FBXO34: variants seen among roughly 807,000 people sequenced by gnomAD.
FBXO34 encodes F-box protein 34, also known as F-box only protein 34.
In FBXO34, 12 loss-of-function variants were observed where a neutral mutation model predicts 24.5. The ratio of observed to expected loss-of-function variants is 0.49; its 90% CI spans 0.31 to 0.79. FBXO34 has a LOEUF of 0.79. Among genes scored for constraint, FBXO34 ranks in the 30% least tolerant of loss-of-function variants. FBXO34 has a pLI of 0.04. For missense variants in FBXO34, 823 were observed against 857.7 expected (o/e 0.96, Z 0.51); for synonymous variants, 320 against 311.9 (o/e 1.03, Z -0.27).
intron 1 of FBXO34, among the ~76,000 whole-genome samples, chr14:55,277,674 G>A (rs1342002770): frequency 6.6e-6 from 1 of 152,122 alleles, no homozygotes; most frequent in Non-Finnish European, 1.5e-5. Context: ...TCTGAAGAGA[G>A]ATAAGTAAAT....
intron 1 of FBXO34, among the ~76,000 whole-genome samples, chr14:55,343,588 G>T (rs1884061484): frequency 6.6e-6 from 1 of 152,070 alleles, no homozygotes; most frequent in South Asian, 2.1e-4. Flanking sequence ...TGGCTCTTAT[G>T]CTAATAAGTG....
At chr14:55,294,930 A>T (rs1264042858) in intron 1 of FBXO34, among the ~76,000 whole-genome samples, 2 of 152,264 alleles carry the variant, frequency 1.3e-5, no homozygotes, top group Admixed American at 6.5e-5. Context: ...ACCAAATATC[A>T]TAGCTTAGCC....
At chr14:55,364,986 C>T (rs996710442), downstream of FBXO34, among the ~76,000 whole-genome samples, 1 of 148,468 alleles carries the variant, frequency 6.7e-6, no homozygotes, top group Admixed American at 6.8e-5. Flanking sequence ...TTTGGGAGGC[C>T]GAGGCGAGCA....
the FBXO34 span, chr14:55,413,685 T>G: frequency 6.0e-6 from 2 of 335,970 alleles, no homozygotes; most frequent in African/African-American, 4.4e-5. Flanking sequence ...GACGTCTTTT[T>G]CTGATTATTT....
chr14:55,342,662 G>A (rs1884030043), intron 1 of FBXO34, among the ~76,000 whole-genome samples: 1 of 152,024 alleles, frequency 6.6e-6, no homozygotes, highest in Non-Finnish European at 1.5e-5. Flanking sequence ...CACCCTCCTG[G>A]TCTTGGCATT....
intron 1 of FBXO34, among the ~76,000 whole-genome samples, chr14:55,348,323 G>C (rs543235080): frequency 6.6e-6 from 1 of 151,862 alleles, no homozygotes; most frequent in Non-Finnish European, 1.5e-5. Context: ...TAAACTCTTG[G>C]GCTCAATAGA....
intron 1 of FBXO34, among the ~76,000 whole-genome samples, chr14:55,332,780 A>G (rs1883642990): frequency 6.6e-6 from 1 of 152,190 alleles, no homozygotes; most frequent in Non-Finnish European, 1.5e-5. Context: ...GATCTTCAGC[A>G]AGTTTCACTT....
the FBXO34 span, chr14:55,428,954 G>C: frequency 6.2e-7 from 1 of 1,614,126 alleles, no homozygotes; most frequent in Non-Finnish European, 8.5e-7. Flanking sequence ...TTTTCTTGCT[G>C]CAAGTCGAGA....
chr14:55,380,766 TTATGA>T, the FBXO34 span: 5 of 974,676 alleles, frequency 5.1e-6, no homozygotes, highest in East Asian at 1.3e-4. Flanking sequence ...AGTTTATCAT[TTATGA>T]TTTTATCATG....
chr14:55,383,267 A>C, the FBXO34 span, among the ~76,000 whole-genome samples: 18 of 152,168 alleles, frequency 1.2e-4, no homozygotes, highest in Admixed American at 1.2e-3. Context: ...AATAAACAAC[A>C]GGGCTAGGTG....
chr14:55,378,422 A>G, the FBXO34 span, among the ~76,000 whole-genome samples: 1 of 152,342 alleles, frequency 6.6e-6, no homozygotes. Flanking sequence ...AAGGCAAACT[A>G]TACAACTGTC....
At chr14:55,278,974 A>G (rs1181870858) in intron 1 of FBXO34, among the ~76,000 whole-genome samples, 2 of 151,902 alleles carry the variant, frequency 1.3e-5, no homozygotes, top group African/African-American at 4.8e-5. Context: ...GGCGTGAGCC[A>G]CCATGCCCAC....
chr14:55,365,225 CAAA>C (rs1175120629), downstream of FBXO34, among the ~76,000 whole-genome samples: 2 of 88,680 alleles, frequency 2.3e-5, no homozygotes, highest in Admixed American at 1.4e-4. Flanking sequence ...TCTATCATCT[CAAA>C]AAAAAAAAAA....
At chr14:55,331,128 C>T (rs1330192970) in intron 1 of FBXO34, among the ~76,000 whole-genome samples, 1 of 152,080 alleles carries the variant, frequency 6.6e-6, no homozygotes, top group Admixed American at 6.5e-5. Context: ...GAAAATTCAC[C>T]AAGGTTACAG....
At chr14:55,286,832 T>TTCACATATACGTAATG (rs1881777873) in intron 1 of FBXO34, among the ~76,000 whole-genome samples, 1 of 152,094 alleles carries the variant, frequency 6.6e-6, no homozygotes, top group Admixed American at 6.5e-5. Context: ...ATTTGTAATA[T>TTCACATATACGTAATG]TCACATATAC....
the FBXO34 span, among the ~76,000 whole-genome samples, chr14:55,387,500 G>A: frequency 1.3e-5 from 2 of 152,248 alleles, no homozygotes; most frequent in South Asian, 4.1e-4. Flanking sequence ...AGACTCTTCT[G>A]ATGGCGCATA....
intron 1 of FBXO34, among the ~76,000 whole-genome samples, chr14:55,321,848 C>A (rs1460279289): frequency 2.0e-5 from 3 of 152,234 alleles, no homozygotes; most frequent in Non-Finnish European, 4.4e-5. Context: ...CAAAAATACT[C>A]ATCTTTAGTG....
intron 1 of FBXO34, among the ~76,000 whole-genome samples, chr14:55,323,749 A>C (rs1188104290): frequency 6.6e-6 from 1 of 152,080 alleles, no homozygotes; most frequent in Non-Finnish European, 1.5e-5. Flanking sequence ...AATTTATTCA[A>C]ACATCTTGCA....
chr14:55,423,922 T>TA, the FBXO34 span, among the ~76,000 whole-genome samples: 1 of 152,104 alleles, frequency 6.6e-6, no homozygotes, highest in Non-Finnish European at 1.5e-5. Context: ...GATAATTCTG[T>TA]AAAAAAATCA....
Sources: allele counts gnomAD v4.1 joint callset (sites outside exome capture counted in the v4.1 genomes callset), GRCh38; gene constraint gnomAD v4.1.1; transcripts MANE v1.5; gene names NCBI Gene and HGNC (gene_info 2026-07-23, HGNC 2026-07-21).